The following DNAH2 variants were observed in gnomAD, a reference collection of about 807,000 sequenced individuals.
DNAH2 encodes axonemal beta dynein heavy chain 2.
In DNAH2, 323 loss-of-function variants were observed where a neutral mutation model predicts 523.5. The ratio of observed to expected loss-of-function variants is 0.62; its 90% CI spans 0.56 to 0.68. The LOEUF (loss-of-function observed/expected upper bound fraction) is 0.68. Ranked by LOEUF, DNAH2 falls within the 30% of genes least tolerant of loss-of-function variation. The probability of loss-of-function intolerance (pLI) is 0.00; values close to 1 mark genes in which losing one functional copy is unlikely to be tolerated. For synonymous variants in DNAH2, 2,093 were observed against 2,177.4 expected (o/e 0.96, Z 1.08); for missense variants, 4,907 against 5,701.5 (o/e 0.86, Z 4.49).
rs2151274952 is a variant in DNAH2, at chr17:7,792,962, T to C, written c.7345-19T>C. 6.2e-7 allele frequency: 1 copy of C among 1,603,018 alleles called. No individual in the cohort carries two copies. Among genetic ancestry groups the C allele is most frequent in the Non-Finnish European group, 8.5e-7 (1 of 1,171,268 alleles). ...TTCTCTCAGGGGACCCACACATTCA[T>C]TCGGTACCTTTTCACCAGACCACAT... On this transcript the variant is annotated intron_variant, in intron 47 of 85. Coordinates refer to ENST00000572933, the MANE Select transcript of DNAH2 (RefSeq NM_020877.5).
At chr17:7,753,039 G>A (rs1359262912) in intron 12 of DNAH2, among the ~76,000 whole-genome samples, 2 of 152,206 alleles carry the variant, frequency 1.3e-5, no homozygotes, top group African/African-American at 4.8e-5. Flanking sequence ...TCAACTTTAA[G>A]GCCAAGCGTC....
At chr17:7,819,146 C>T in intron 71 of DNAH2, 63 bp from the exon 72 acceptor site, 1 of 1,606,658 alleles carries the variant, frequency 6.2e-7, no homozygotes. Context: ...CCCCTCCTTC[C>T]CTGAGCCCCT....
intron 67 of DNAH2, 28 bp from the exon 68 acceptor site, chr17:7,817,918 T>C: frequency 6.2e-7 from 1 of 1,613,840 alleles, no homozygotes; most frequent in Non-Finnish European, 8.5e-7. Context: ...TCCCGTAGTG[T>C]TCCTTCACCT....
rs1567643789 is a variant in DNAH2, at chr17:7,754,719, A to G, written c.1905-2372A>G. 5.2e-6 allele frequency: 6 copies of G among 1,144,316 alleles called. No homozygotes were observed. The South Asian group carries it at 6.2e-5, about 12-fold the overall frequency. 70.9% of individuals were successfully genotyped at this position (1,144,316 alleles called of 1,614,324 possible). A position where few individuals can be genotyped will look rare whatever the true frequency, so the allele number is the denominator to read the frequency against. On this transcript the variant is annotated intron_variant, in intron 12 of 85. Transcript: ENST00000572933. This position sits in a 1 kb window ranked among gnomAD's most constrained non-coding sequence, Gnocchi z 4.6. Reference sequence around the variant, plus strand: ...CCTTGGGAAGCTTGCTCGTGCCCGCATGGCCAAGGGGCTCAGGCTGTGCCG... The same window carrying G: ...CCTTGGGAAGCTTGCTCGTGCCCGCGTGGCCAAGGGGCTCAGGCTGTGCCG...
intron 63 of DNAH2, among the ~76,000 whole-genome samples, chr17:7,810,018 T>C (rs1253362151): frequency 1.4e-5 from 2 of 146,858 alleles, no homozygotes; most frequent in East Asian, 2.1e-4. Flanking sequence ...CTTCCCTCCC[T>C]CCCTTCCTTC....
chr17:7,759,114 A>G lies in DNAH2; in HGVS notation c.2438A>G (p.Asp813Gly), dbSNP rs2075931201. 8.7e-6 allele frequency: 14 copies of G among 1,613,948 alleles called. No individual in the cohort carries two copies. Among genetic ancestry groups the G allele is most frequent in the Non-Finnish European group, 1.2e-5 (14 of 1,180,024 alleles). ...AACTCCTATGAGGTCTTCAAGAATG[A>G]TGGTCCTGAGGTAGGGTTCCTGTGG... Reference protein sequence around the residue: ...MTNSYEVFKNDGPEIQQQWML... With the variant: ...MTNSYEVFKNGGPEIQQQWML... The change falls in exon 15 of 86, where the codon GAT (aspartate) becomes GGT (glycine). Residue 813 changes from aspartate (D) to glycine (G), a missense_variant. By Grantham distance (94) the Asp-to-Gly change is moderately conservative. Coordinates refer to ENST00000572933, the MANE Select transcript of DNAH2 (RefSeq NM_020877.5).
chr17:7,803,821 AAG>A (rs66942102), intron 58 of DNAH2, among the ~76,000 whole-genome samples: 130,159 of 151,666 alleles, frequency 0.86, 57,038 homozygotes, highest in Non-Finnish European at 0.94. Context: ...CAAAAAAAGA[AAG>A]AGAGAGAGAG....
chr17:7,743,595 G>A, intron 12 of DNAH2: 2 of 543,368 alleles, frequency 3.7e-6, no homozygotes, highest in Non-Finnish European at 6.6e-6. Flanking sequence ...GAGCCCGGGA[G>A]GCAGAGGCTG....
chr17:7,764,465 C>T (rs1567660153), intron 20 of DNAH2, among the ~76,000 whole-genome samples, 192 bp downstream of exon 20: 1 of 143,908 alleles, frequency 6.9e-6, no homozygotes, highest in Non-Finnish European at 1.5e-5. Context: ...TCTTCTTCCT[C>T]TTTTTTTTTT....
At position 7,786,767 on chromosome 17, in the gene DNAH2, C is replaced by T; in HGVS notation, c.6466+80C>T. 1 of 1,597,716 alleles carries T rather than the reference C, an allele frequency of 6.3e-7. No individual in the cohort carries two copies. On this transcript the variant is annotated intron_variant, in intron 41 of 85. Coordinates refer to ENST00000572933, the MANE Select transcript of DNAH2 (RefSeq NM_020877.5). The surrounding 1 kb of genome is among the most constrained non-coding windows in gnomAD (Gnocchi z 7.5). ...CAGGGAGTCTGGGGATAGGAAGTTC[C>T]AAGTTGGGAGAGAAATGCCTGGGGA...
In DNAH2 at chr17:7,833,476, G is replaced by C. The variant is rs770021141; in HGVS notation, c.13227G>C (p.Met4409Ile). ...VIGIDLRSGA[M>I]TPDHWIKRGT... is the part of the protein sequence containing the mutation. ...GCATTGACCTGCGGTCTGGGGCCATGACACCTGATCATTGGATCAAGAGGG... is the reference window on the plus strand; with the variant it reads ...GCATTGACCTGCGGTCTGGGGCCATCACACCTGATCATTGGATCAAGAGGG... The change falls in exon 86 of 86, where the codon ATG (methionine) becomes ATC (isoleucine). Residue 4409 changes from methionine to isoleucine, a missense_variant. Around this residue, in one of 3 missense-constraint regions of DNAH2, gnomAD observed 1,851 missense variants for 2,139.4 expected, o/e 0.87. Transcript: ENST00000572933. 1 of 1,614,148 alleles carries C rather than the reference G, an allele frequency of 6.2e-7. No homozygotes were observed. Among genetic ancestry groups the C allele is most frequent in the South Asian group, 1.1e-5 (1 of 91,082 alleles).
At chr17:7,756,956 C>A in intron 12 of DNAH2, 135 bp from the exon 13 acceptor site, 1 of 1,321,140 alleles carries the variant, frequency 7.6e-7, no homozygotes, top group Non-Finnish European at 1.0e-6. Flanking sequence ...CAGGCGTGAG[C>A]CACCATACCA....
chr17:7,830,646 G>C lies in DNAH2; in HGVS notation c.12046-12G>C. 6.2e-7 allele frequency: 1 copy of C among 1,613,640 alleles called. No individual in the cohort carries two copies. The highest frequency in any genetic ancestry group is 8.5e-7 in the Non-Finnish European group (1 of 1,179,570). ...CTCTGGGAATGGGGGCTTGGGCTGG[G>C]ATCATGCCTAGGTGTCAGAAAACTT... On this transcript the variant is annotated splice_polypyrimidine_tract_variant and intron_variant, in intron 78 of 85. Coordinates refer to ENST00000572933, the MANE Select transcript of DNAH2 (RefSeq NM_020877.5).
intron 24 of DNAH2, 50 bp from the exon 25 acceptor site, chr17:7,770,202 G>T: frequency 6.5e-7 from 1 of 1,531,880 alleles, no homozygotes; most frequent in South Asian, 1.3e-5. Flanking sequence ...AGACAGCAAT[G>T]GAGTGATGGT....
chr17:7,763,308 G>A (rs1296466303), intron 18 of DNAH2, among the ~76,000 whole-genome samples: 1 of 152,176 alleles, frequency 6.6e-6, no homozygotes, highest in Non-Finnish European at 1.5e-5. Flanking sequence ...ACAGGCGCCT[G>A]CCACCGCACT....
At chr17:7,797,104 A>G in intron 50 of DNAH2, 72 bp from the exon 51 acceptor site, 1 of 949,846 alleles carries the variant, frequency 1.1e-6, no homozygotes, top group Admixed American at 2.9e-5. Flanking sequence ...TCTGTCCCAA[A>G]AAAAAAAAAA....
At position 7,768,083 on chromosome 17, in the gene DNAH2, G is replaced by T. The variant is rs758604147; in HGVS notation, c.3837+22G>T. ...TAAGGTGGGGAGAAACGGCGGGGAG[G>T]CGGAAGAGAAGCTGGTGGAGGATCT... On this transcript the variant is annotated intron_variant, in intron 23 of 85. Transcript: ENST00000572933. 5.8e-5 allele frequency: 93 copies of T among 1,613,998 alleles called. 1 individual carries two copies. In the Admixed American group the frequency reaches 1.5e-3, roughly 27 times the overall value.
Position 7,771,971 on chromosome 17 carries a change from C to T in DNAH2, c.4501+503C>T, listed in dbSNP as rs1282093983. On this transcript the variant is annotated intron_variant, in intron 28 of 85. Coordinates refer to ENST00000572933, the MANE Select transcript of DNAH2 (RefSeq NM_020877.5). ...CCTCAGGTGATTCACCTCCCTCAGCCTCCCAAAGTTCTGGGATTACAGGTG... is the reference window on the plus strand; with the variant it reads ...CCTCAGGTGATTCACCTCCCTCAGCTTCCCAAAGTTCTGGGATTACAGGTG... Among the ~76,000 whole-genome samples the T allele has an allele frequency of 2.0e-5, 3 of 152,184 alleles. No individual in the cohort carries two copies. The East Asian group carries it at 5.8e-4, about 29-fold the overall frequency.
At position 7,831,199 on chromosome 17, in the gene DNAH2, C is replaced by G. The variant is rs775065254; in HGVS notation, c.12344C>G (p.Pro4115Arg). The change falls in exon 80 of 86, where the codon CCC becomes CGC. Residue 4115 changes from proline (P) to arginine (R), a missense_variant. Coordinates refer to ENST00000572933, the MANE Select transcript of DNAH2 (RefSeq NM_020877.5). The surrounding 1 kb of genome is among the most constrained non-coding windows in gnomAD (Gnocchi z 4.2). ...CCCCCTGAGGCCTTTGGCCAGCACC[C>G]CAATGCTGATGTGGCCTCTCAGATC... ...MDPPEAFGQH[P>R]NADVASQITE... 3 of 1,614,142 alleles carry G rather than the reference C, an allele frequency of 1.9e-6. No homozygotes were observed. Among genetic ancestry groups the G allele is most frequent in the Admixed American group, 3.3e-5 (2 of 60,014 alleles).
Sources: allele counts gnomAD v4.1 joint callset (sites outside exome capture counted in the v4.1 genomes callset), GRCh38; gene constraint gnomAD v4.1.1; regional missense constraint gnomAD v4.1.1; non-coding constraint Gnocchi (gnomAD v3.1); transcripts MANE v1.5; gene names NCBI Gene and HGNC (gene_info 2026-07-23, HGNC 2026-07-21).